Variants in TMF1 observed in about 807,000 individuals in gnomAD.
TMF1 encodes TATA element modulatory factor 1.
A neutral mutation model predicts 126.5 loss-of-function variants in TMF1; 71 were observed. The observed-to-expected ratio is 0.56, with a 90% CI of 0.46 to 0.68. TMF1 has a LOEUF of 0.68. TMF1 is among the 30% of genes least tolerant of loss of function. The probability of loss-of-function intolerance (pLI) is 0.00; values close to 1 mark genes in which losing one functional copy is unlikely to be tolerated. For missense variants in TMF1, 1,259 were observed against 1,253.2 expected (o/e 1.00, Z -0.07); for synonymous variants, 461 against 430.5 (o/e 1.07, Z -0.88).
rs1320534627 is a variant in TMF1 at position 69,020,921 on chromosome 3, G to A, written c.*2256C>T. On this transcript the variant is annotated 3_prime_UTR_variant, in exon 17 of 17. Coordinates refer to ENST00000398559, the MANE Select transcript of TMF1 (RefSeq NM_007114.3). Reference sequence around the variant, plus strand: ...CAAATGAAGTTTTTTTCTACTAGTGGATATTTTAAAGGGACTATTTTATAA... The same window carrying A: ...CAAATGAAGTTTTTTTCTACTAGTGAATATTTTAAAGGGACTATTTTATAA... 1 of 152,060 alleles carries A rather than the reference G, an allele frequency of 6.6e-6. No individual in the cohort carries two copies. 9.4% of individuals were successfully genotyped at this position (152,060 alleles called of 1,614,324 possible).
At chr3:69,046,277 AG>A (rs2091895370) in intron 2 of TMF1, among the ~76,000 whole-genome samples, 1 of 130,970 alleles carries the variant, frequency 7.6e-6, no homozygotes, top group Non-Finnish European at 1.6e-5. Context: ...AGGAGTAGGA[AG>A]GGTTCCTTTT....
At chr3:69,044,329 CAAAA>C (rs2091883637) in intron 3 of TMF1, among the ~76,000 whole-genome samples, 159 bp downstream of exon 3, 1 of 152,034 alleles carries the variant, frequency 6.6e-6, no homozygotes. Flanking sequence ...TAAAGACAAT[CAAAA>C]GAGAAAAGTA....
chr3:69,051,537 T>C (rs921116707), intron 1 of TMF1, among the ~76,000 whole-genome samples: 6 of 152,150 alleles, frequency 3.9e-5, no homozygotes, highest in African/African-American at 1.4e-4. Context: ...CTGTTAGCGA[T>C]TGTTCTTCCC....
At chr3:69,050,984 C>T (rs1255835911) in intron 1 of TMF1, among the ~76,000 whole-genome samples, 2 of 152,174 alleles carry the variant, frequency 1.3e-5, no homozygotes, top group African/African-American at 4.8e-5. Flanking sequence ...CAAAGAGAGA[C>T]TTGGCTATTC....
In TMF1 at chr3:69,048,415, A is replaced by C; in HGVS notation, c.290T>G (p.Phe97Cys). 6.2e-7 allele frequency: 1 copy of C among 1,614,174 alleles called. No individual in the cohort carries two copies. The highest frequency in any genetic ancestry group is 1.1e-5 in the South Asian group (1 of 91,090). Reference sequence around the variant, plus strand: ...ATCAGTTGGCGAGAGAAAGGCACTGAAGAAATTTTCAGATTCATCGACCAC... The same window carrying C: ...ATCAGTTGGCGAGAGAAAGGCACTGCAGAAATTTTCAGATTCATCGACCAC... ...RTVVDESENF[F>C]SAFLSPTDVQ... The change falls in exon 2 of 17, where the codon TTC (phenylalanine) becomes TGC (cysteine). Residue 97 changes from phenylalanine (F) to cysteine (C), a missense_variant. Coordinates refer to ENST00000398559, the MANE Select transcript of TMF1 (RefSeq NM_007114.3).
At chr3:69,039,092 T>C (rs574355415) in intron 6 of TMF1, 83 bp from the exon 7 acceptor site, 6 of 1,095,542 alleles carry the variant, frequency 5.5e-6, no homozygotes, top group Admixed American at 6.0e-5. Context: ...TCTATAATAA[T>C]GGAGAAAAAT....
At position 69,043,801 on chromosome 3, in the gene TMF1, T is replaced by C. The variant is rs200074443; in HGVS notation, c.1527A>G (p.Glu509=). The C allele has an allele frequency of 6.2e-7, 1 of 1,612,668 alleles. No individual in the cohort carries two copies. The highest frequency in any genetic ancestry group is 2.2e-5 in the East Asian group (1 of 44,762). Residue 509 remains glutamate, a synonymous_variant, in exon 4 of 17, where the codon GAA becomes GAG. Transcript: ENST00000398559. ...AGGCTAGTTGAACTTTCTTTTCTGCTTCTGCAATTCTTTGAGTAAACTCAT... is the reference window on the plus strand; with the variant it reads ...AGGCTAGTTGAACTTTCTTTTCTGCCTCTGCAATTCTTTGAGTAAACTCAT... ...LKDEFTQRIA[E]AEKKVQLACK...
chr3:69,032,790 G>T (rs1392677549), intron 10 of TMF1, among the ~76,000 whole-genome samples: 1 of 151,750 alleles, frequency 6.6e-6, no homozygotes, highest in African/African-American at 2.4e-5. Flanking sequence ...TTGTATTTTT[G>T]GTAGAGACGG....
intron 3 of TMF1, 38 bp from the exon 4 acceptor site, chr3:69,043,914 C>T (rs1157051954): frequency 5.2e-6 from 8 of 1,546,976 alleles, no homozygotes; most frequent in Non-Finnish European, 7.0e-6. Flanking sequence ...AGGATGGTGT[C>T]TATATATCCC....
rs1327211577 is a variant in TMF1 at position 69,033,805 on chromosome 3, C to T, written c.2245-101G>A. On this transcript the variant is annotated intron_variant, in intron 9 of 16. Coordinates refer to ENST00000398559, the MANE Select transcript of TMF1 (RefSeq NM_007114.3). Reference sequence around the variant, plus strand: ...GAGAGGTTCCTGGAAAATTATTTTTCCAAGAGAAAATAATTTGCTTTTTAA... The same window carrying T: ...GAGAGGTTCCTGGAAAATTATTTTTTCAAGAGAAAATAATTTGCTTTTTAA... 6.4e-6 allele frequency: 7 copies of T among 1,091,602 alleles called. No homozygotes were observed. In the African/African-American group the frequency reaches 1.1e-4, roughly 17 times the overall value. The allele number at this position is 1,091,602 out of a possible 1,614,324, so 67.6% of individuals were successfully genotyped here. A position where few individuals can be genotyped will look rare whatever the true frequency, so the allele number is the denominator to read the frequency against.
chr3:69,032,336 G>A (rs1030222834), intron 10 of TMF1, among the ~76,000 whole-genome samples: 1 of 152,120 alleles, frequency 6.6e-6, no homozygotes, highest in African/African-American at 2.4e-5. Flanking sequence ...CTGTTTTGCT[G>A]GATGATTCAA....
rs574768008 is a variant in TMF1 at position 69,052,301 on chromosome 3, T to G, written c.-215A>C. 38 of 441,894 alleles carry G rather than the reference T, an allele frequency of 8.6e-5. No individual in the cohort carries two copies. The highest frequency in any genetic ancestry group is 7.1e-4 in the African/African-American group (35 of 49,282). 27.4% of individuals were successfully genotyped at this position (441,894 alleles called of 1,614,324 possible). A position where few individuals can be genotyped will look rare whatever the true frequency, so the allele number is the denominator to read the frequency against. ...AAGGGGGCCCATGTGCGCATGCGCT[T>G]GCTTCTTCCACGTACACAGCAACCA... is the stretch of plus-strand genomic sequence containing the variant. On this transcript the variant is annotated 5_prime_UTR_variant, in exon 1 of 17. Transcript: ENST00000398559.
At chr3:69,030,296 CA>C in intron 10 of TMF1, 7 of 244,122 alleles carry the variant, frequency 2.9e-5, no homozygotes, top group Non-Finnish European at 3.9e-5. Flanking sequence ...CAGCTATATG[CA>C]AAAAAACCAA....
At chr3:69,027,627 A>G (rs2091777153) in intron 13 of TMF1, among the ~76,000 whole-genome samples, 1 of 152,054 alleles carries the variant, frequency 6.6e-6, no homozygotes, top group Non-Finnish European at 1.5e-5. Flanking sequence ...CATTTGAAGA[A>G]CAAGAATTGT....
intron 10 of TMF1, chr3:69,030,500 C>G (rs966352747): frequency 2.6e-5 from 4 of 152,238 alleles, no homozygotes; most frequent in African/African-American, 9.7e-5. Flanking sequence ...AAATTTTCAA[C>G]TTTTAAATCT....
At chr3:69,028,372 T>C (rs949253756) in intron 11 of TMF1, 77 bp from the exon 12 acceptor site, 8 of 890,256 alleles carry the variant, frequency 9.0e-6, no homozygotes, top group African/African-American at 1.7e-5. Flanking sequence ...CTCAGTACTT[T>C]ATTAACTCCA....
At chr3:69,029,721 G>A (rs190263070) in intron 11 of TMF1, 94 bp downstream of exon 11, 23 of 1,241,662 alleles carry the variant, frequency 1.9e-5, no homozygotes, top group Admixed American at 1.3e-4. Flanking sequence ...GATTACAGGC[G>A]TGAGCCACGG....
intron 1 of TMF1, among the ~76,000 whole-genome samples, chr3:69,051,014 A>T (rs1383578173): frequency 1.3e-5 from 2 of 152,232 alleles, no homozygotes; most frequent in Non-Finnish European, 2.9e-5. Flanking sequence ...ATGTGATACC[A>T]TCCAGAAATC....
intron 5 of TMF1, 100 bp from the exon 6 acceptor site, chr3:69,039,793 T>C (rs67036817): frequency 0.37 from 491,520 of 1,343,486 alleles, 92,052 homozygotes; most frequent in East Asian, 0.53. Context: ...CAGAATTTTT[T>C]TAAATTACAA....
Sources: allele counts gnomAD v4.1 joint callset (sites outside exome capture counted in the v4.1 genomes callset), GRCh38; gene constraint gnomAD v4.1.1; transcripts MANE v1.5; gene names NCBI Gene and HGNC (gene_info 2026-07-23, HGNC 2026-07-21).